The following CDYL variants were observed in gnomAD, a reference collection of about 807,000 sequenced individuals.
CDYL encodes the protein chromodomain Y-like protein.
CDYL carries 8 observed loss-of-function variants against 47.3 expected under a neutral mutation model. The observed-to-expected ratio is 0.17, with a 90% CI of 0.10 to 0.31. The LOEUF is 0.31. CDYL is among the 10% of genes least tolerant of loss of function. The pLI is 1.00. For synonymous variants in CDYL, 266 were observed against 265.0 expected, an observed-to-expected ratio of 1.00 and a Z score of -0.04; for missense variants, 471 against 701.4, an observed-to-expected ratio of 0.67 and a Z score of 3.71.
intron 3 of CDYL, among the ~76,000 whole-genome samples, chr6:4,766,052 G>T (rs1311551437): frequency 6.6e-6 from 1 of 151,946 alleles, no homozygotes; most frequent in African/African-American, 2.4e-5. Flanking sequence ...GGAGAGAAAT[G>T]ATACGTATTT....
At chr6:4,929,008 T>C (rs1412497820) in intron 2 of CDYL, among the ~76,000 whole-genome samples, 2 of 152,232 alleles carry the variant, frequency 1.3e-5, no homozygotes, top group African/African-American at 4.8e-5. Flanking sequence ...GGTTCATTTT[T>C]ACCCATATAT....
At chr6:4,765,942 T>C (rs1009531064) in intron 3 of CDYL, among the ~76,000 whole-genome samples, 5 of 152,082 alleles carry the variant, frequency 3.3e-5, no homozygotes, top group Non-Finnish European at 5.9e-5. Context: ...TGTAATTAAA[T>C]AGAGTAGACA....
At chr6:4,755,771 T>C (rs367905062) in intron 3 of CDYL, among the ~76,000 whole-genome samples, 5 of 152,136 alleles carry the variant, frequency 3.3e-5, no homozygotes, top group Non-Finnish European at 5.9e-5. Context: ...TATTAGGAAA[T>C]TGGAAATAAG....
At chr6:4,883,121 A>G (rs1353138771) in intron 1 of CDYL, among the ~76,000 whole-genome samples, 10 of 152,180 alleles carry the variant, frequency 6.6e-5, no homozygotes, top group Admixed American at 6.5e-4. Flanking sequence ...TGAGTAGGGT[A>G]TCATTGGTAA....
chr6:4,902,007 G>A (rs6919412), intron 2 of CDYL, among the ~76,000 whole-genome samples: 7,656 of 152,172 alleles, frequency 0.05, 405 homozygotes, highest in African/African-American at 0.13. Flanking sequence ...TTCCTCCTAC[G>A]TTTCAAGGGG....
At chr6:4,796,258 A>T (rs1307207122) in intron 1 of CDYL, among the ~76,000 whole-genome samples, 1 of 152,148 alleles carries the variant, frequency 6.6e-6, no homozygotes, top group African/African-American at 2.4e-5. Context: ...TAGGATATTT[A>T]TTCATAGGTC....
intron 1 of CDYL, among the ~76,000 whole-genome samples, chr6:4,786,423 G>A (rs528288775): frequency 3.3e-5 from 5 of 152,244 alleles, no homozygotes; most frequent in South Asian, 2.1e-4. Context: ...AAGCAGAGAC[G>A]GACTGTGTTA....
chr6:4,825,735 C>A (rs1759963066), intron 1 of CDYL, among the ~76,000 whole-genome samples: 1 of 152,146 alleles, frequency 6.6e-6, no homozygotes, highest in African/African-American at 2.4e-5. Context: ...GCTCGAACAG[C>A]CAATCCTCAT....
chr6:4,912,034 A>G (rs547138797), intron 2 of CDYL, among the ~76,000 whole-genome samples: 1 of 152,306 alleles, frequency 6.6e-6, no homozygotes, highest in South Asian at 2.1e-4. Context: ...TCTCTAAGCA[A>G]TGCCATTGAT....
chr6:4,841,462 A>G (rs956661598), intron 1 of CDYL, among the ~76,000 whole-genome samples: 29 of 151,740 alleles, frequency 1.9e-4, no homozygotes, highest in East Asian at 3.9e-4. Context: ...TGTTTTTATG[A>G]TTCCTTGAGA....
At position 4,895,433 on chromosome 6, in the gene CDYL, GTATACGTA is replaced by G. The variant is rs1396420447; in HGVS notation, c.691+3059_691+3066del. Among the ~76,000 whole-genome samples, 2 of 3,742 alleles carry G rather than the reference GTATACGTA, an allele frequency of 5.3e-4. 1 individual carries two copies. The highest frequency in any genetic ancestry group is 0.013 in the Admixed American group (2 of 160). The allele number at this position is 3,742 out of a possible 152,430, so 2.5% of individuals were successfully genotyped here. A position where few individuals can be genotyped will look rare whatever the true frequency, so the allele number is the denominator to read the frequency against. On this transcript the variant is annotated intron_variant, in intron 2 of 6. Coordinates refer to ENST00000397588, the MANE Select transcript of CDYL (RefSeq NM_004824.4). ...TATACGTATATATGCATGTATACATGTATACGTATATATGCATATATACATGTATACAT... is the reference window on the plus strand; with the variant it reads ...TATACGTATATATGCATGTATACATGTATATGCATATATACATGTATACAT...
At chr6:4,902,064 A>C (rs546415070) in intron 2 of CDYL, among the ~76,000 whole-genome samples, 1 of 152,230 alleles carries the variant, frequency 6.6e-6, no homozygotes, top group East Asian at 1.9e-4. Context: ...GAAGGGGATG[A>C]GAGGATACCC....
chr6:4,866,450 T>G (rs1263339497), intron 1 of CDYL, among the ~76,000 whole-genome samples: 1 of 152,126 alleles, frequency 6.6e-6, no homozygotes, highest in African/African-American at 2.4e-5. Context: ...GCAAGTATTT[T>G]TAAAAGACTA....
rs940949418 is a variant in CDYL at position 4,856,991 on chromosome 6, G to A, written c.25-34722G>A. On this transcript the variant is annotated intron_variant, in intron 1 of 6. Transcript: ENST00000397588. The stretch of plus-strand genomic sequence containing the variant: ...TGGCAGTTCCTTTCTCAGCCAGCCG[G>A]GGGAAGTCCACAGAGGTGAGAGAAG... 3.9e-5 allele frequency among the ~76,000 whole-genome samples: 6 copies of A among 152,138 alleles called. No homozygotes were observed. The South Asian group carries it at 1.2e-3, about 31-fold the overall frequency.
intron 1 of CDYL, among the ~76,000 whole-genome samples, chr6:4,806,436 T>G (rs946951347): frequency 3.9e-5 from 6 of 152,230 alleles, no homozygotes; most frequent in Admixed American, 2.6e-4. Context: ...TGTTTCAACT[T>G]TTTATTTTGC....
intron 2 of CDYL, among the ~76,000 whole-genome samples, chr6:4,892,981 G>A (rs1490493858): frequency 1.3e-5 from 2 of 152,202 alleles, no homozygotes; most frequent in Non-Finnish European, 2.9e-5. Flanking sequence ...CCTGGGTTCT[G>A]CAGCTGCCTT....
upstream of CDYL, chr6:4,773,256 A>T (rs1442605080): frequency 4.4e-6 from 2 of 455,914 alleles, no homozygotes; most frequent in African/African-American, 4.0e-5. The surrounding 1 kb of genome is among the most constrained non-coding windows in gnomAD (Gnocchi z 4.6). Flanking sequence ...CACTTCTCTA[A>T]TCTTTTAAGA....
At chr6:4,911,536 T>C (rs1757416233) in intron 2 of CDYL, among the ~76,000 whole-genome samples, 2 of 152,238 alleles carry the variant, frequency 1.3e-5, no homozygotes, top group African/African-American at 4.8e-5. Context: ...TTCATGGTAC[T>C]GTTTGCTAAA....
At chr6:4,830,806 A>G (rs537524588) in intron 1 of CDYL, among the ~76,000 whole-genome samples, 1,508 of 128,766 alleles carry the variant, frequency 0.012, 12 homozygotes, top group Middle Eastern at 0.023. Context: ...TCCTGTGTCC[A>G]TGTGTTTTCA....
Sources: allele counts gnomAD v4.1 joint callset (sites outside exome capture counted in the v4.1 genomes callset), GRCh38; gene constraint gnomAD v4.1.1; non-coding constraint Gnocchi (gnomAD v3.1); transcripts MANE v1.5; gene names NCBI Gene and HGNC (gene_info 2026-07-23, HGNC 2026-07-21).